The following ADRA1A variants were observed in gnomAD, a reference collection of about 807,000 sequenced individuals.
ADRA1A encodes adrenoceptor alpha 1A.
In ADRA1A, 31 loss-of-function variants were observed where a neutral mutation model predicts 29.6. The observed-to-expected ratio is 1.05, with a 90% CI of 0.79 to 1.41. The LOEUF (loss-of-function observed/expected upper bound fraction) is 1.41, where lower values mean the gene tolerates loss of function less well. Ranked by LOEUF, ADRA1A falls within the 40% of genes most tolerant of loss-of-function variation. The pLI, the probability that ADRA1A is intolerant of heterozygous loss-of-function variation, is 0.00. For synonymous variants in ADRA1A, 311 were observed against 254.3 expected, an observed-to-expected ratio of 1.22 and a Z score of -2.12; for missense variants, 619 against 601.1, an observed-to-expected ratio of 1.03 and a Z score of -0.31.
intron 2 of ADRA1A, among the ~76,000 whole-genome samples, chr8:26,788,608 C>CAT (rs932904167): frequency 2.0e-5 from 3 of 152,184 alleles, no homozygotes; most frequent in African/African-American, 7.2e-5. Context: ...TGCACCACCT[C>CAT]ATCTCCTCAT....
chr8:26,842,936 G>T (rs1441729650), intron 2 of ADRA1A, among the ~76,000 whole-genome samples: 8 of 150,278 alleles, frequency 5.3e-5, no homozygotes, highest in Non-Finnish European at 8.9e-5. Context: ...ACAAGCTCAT[G>T]AATGTGCTGT....
chr8:26,811,114 G>T (rs1809350934), intron 2 of ADRA1A, among the ~76,000 whole-genome samples: 2 of 152,082 alleles, frequency 1.3e-5, no homozygotes, highest in Admixed American at 1.3e-4. Flanking sequence ...CATCATTTTT[G>T]TGTGAGGCCC....
Position 26,866,523 on chromosome 8 carries a change from C to T in ADRA1A, c.-687+413G>A, listed in dbSNP as rs1312024348. 6.6e-6 allele frequency among the ~76,000 whole-genome samples: 1 copy of T among 152,174 alleles called. No individual in the cohort carries two copies. Among genetic ancestry groups the T allele is most frequent in the African/African-American group, 2.4e-5 (1 of 41,454 alleles). On this transcript the variant is annotated intron_variant, in intron 1 of 2. Coordinates refer to ENST00000380573, the MANE Select transcript of ADRA1A (RefSeq NM_000680.4). This position sits in a 1 kb window ranked among gnomAD's most constrained non-coding sequence, Gnocchi z 5.7. ...GGGGGCCACCATCTGCGTAAGAAACCTGGGTTTCCACAACTGCGAACCTAC... is the reference window on the plus strand; with the variant it reads ...GGGGGCCACCATCTGCGTAAGAAACTTGGGTTTCCACAACTGCGAACCTAC...
chr8:26,792,519 G>A (rs924381070), intron 2 of ADRA1A, among the ~76,000 whole-genome samples: 5 of 151,004 alleles, frequency 3.3e-5, no homozygotes, highest in African/African-American at 1.2e-4. Context: ...AGACTGGAAG[G>A]ACATTCTCTT....
At chr8:26,836,975 C>A (rs1269200206) in intron 2 of ADRA1A, among the ~76,000 whole-genome samples, 1 of 152,106 alleles carries the variant, frequency 6.6e-6, no homozygotes, top group East Asian at 1.9e-4. Context: ...CAGGGGAAAG[C>A]CCTTGGTTCC....
rs1169345715 is a variant in ADRA1A at position 26,866,897 on chromosome 8, C to A, written c.-687+39G>T. On this transcript the variant is annotated intron_variant, in intron 1 of 2. Transcript: ENST00000380573. The surrounding 1 kb of genome is among the most constrained non-coding windows in gnomAD (Gnocchi z 5.7). ...GACGGCGGGGGAGGTCTGCCCTCAC[C>A]CACTCGGCCCTGCGGGACGCCGGCC... is the stretch of plus-strand genomic sequence containing the variant. The A allele has an allele frequency of 9.1e-6, 9 of 985,418 alleles. No individual in the cohort carries two copies. The South Asian group carries it at 3.8e-4, about 41-fold the overall frequency. 61.0% of individuals were successfully genotyped at this position (985,418 alleles called of 1,614,324 possible).
Position 26,815,164 on chromosome 8 carries a change from A to G in ADRA1A, c.884-44498T>C, listed in dbSNP as rs181725680. Among the ~76,000 whole-genome samples the G allele has an allele frequency of 6.6e-6, 1 of 152,214 alleles. No individual in the cohort carries two copies. The highest frequency in any genetic ancestry group is 6.5e-5 in the Admixed American group (1 of 15,288). On this transcript the variant is annotated intron_variant, in intron 2 of 2. Transcript: ENST00000380573. This position sits in a 1 kb window ranked among gnomAD's most constrained non-coding sequence, Gnocchi z 4.2. Reference sequence around the variant, plus strand: ...CACTACCAAATCCTCACCAAGACTTACTGGGTTAAATCTTGTGGTAAACTA... The same window carrying G: ...CACTACCAAATCCTCACCAAGACTTGCTGGGTTAAATCTTGTGGTAAACTA...
intron 2 of ADRA1A, chr8:26,859,291 A>T (rs548942115): frequency 1.1e-6 from 1 of 921,290 alleles, no homozygotes; most frequent in Admixed American, 2.9e-5. Flanking sequence ...ATAAAAAAAC[A>T]TATAACATCT....
chr8:26,850,897 A>G (rs1310586583), intron 2 of ADRA1A, among the ~76,000 whole-genome samples: 1 of 152,184 alleles, frequency 6.6e-6, no homozygotes, highest in South Asian at 2.1e-4. Context: ...TGTAGCATCT[A>G]CCCAAGTCCA....
At chr8:26,783,766 C>T (rs1807166735) in intron 2 of ADRA1A, among the ~76,000 whole-genome samples, 1 of 152,060 alleles carries the variant, frequency 6.6e-6, no homozygotes, top group Non-Finnish European at 1.5e-5. Flanking sequence ...ATGTCAAAGA[C>T]ATGGAATCAA....
downstream of ADRA1A, among the ~76,000 whole-genome samples, chr8:26,752,253 T>C (rs1052038268): frequency 3.3e-5 from 5 of 152,212 alleles, no homozygotes; most frequent in African/African-American, 9.7e-5. Flanking sequence ...GTTGGTTTTA[T>C]AGATGAGCTT....
rs187348579 is a variant in ADRA1A at position 26,849,399 on chromosome 8, T to G, written c.883+14688A>C. On this transcript the variant is annotated intron_variant, in intron 2 of 2. Coordinates refer to ENST00000380573, the MANE Select transcript of ADRA1A (RefSeq NM_000680.4). ...CAAGGTCAGCAGACAAAGGAGGTTCTCTACAACAGGTGCCCAGGCGGTCAG... is the reference window on the plus strand; with the variant it reads ...CAAGGTCAGCAGACAAAGGAGGTTCGCTACAACAGGTGCCCAGGCGGTCAG... Among the ~76,000 whole-genome samples the G allele has an allele frequency of 2.6e-3, 390 of 152,314 alleles. 2 individuals are homozygous for G. The highest frequency in any genetic ancestry group is 9.0e-3 in the African/African-American group (376 of 41,560).
At chr8:26,784,849 T>C (rs1468734795) in intron 2 of ADRA1A, among the ~76,000 whole-genome samples, 1 of 152,196 alleles carries the variant, frequency 6.6e-6, no homozygotes, top group African/African-American at 2.4e-5. Flanking sequence ...AACCGATGGC[T>C]GAAAGCTATA....
chr8:26,799,636 G>C (rs1225141328), intron 2 of ADRA1A, among the ~76,000 whole-genome samples: 3 of 152,120 alleles, frequency 2.0e-5, no homozygotes, highest in Admixed American at 1.3e-4. Context: ...CTTTTCTGGG[G>C]TCTCAGCTGA....
chr8:26,833,807 C>T (rs1316366299), intron 2 of ADRA1A, among the ~76,000 whole-genome samples: 1 of 152,158 alleles, frequency 6.6e-6, no homozygotes, highest in Non-Finnish European at 1.5e-5. Context: ...TGGCATATGG[C>T]TTCAAAATAA....
At chr8:26,836,245 C>A in intron 2 of ADRA1A, 1 of 218,586 alleles carries the variant, frequency 4.6e-6, no homozygotes. Flanking sequence ...GTGCTGACTT[C>A]TAAAGATGCT....
intron 2 of ADRA1A, among the ~76,000 whole-genome samples, chr8:26,832,578 A>G (rs985863899): frequency 3.3e-5 from 5 of 152,160 alleles, no homozygotes; most frequent in Non-Finnish European, 7.3e-5. Context: ...TGTATGGCAC[A>G]AGAGATGAAG....
At chr8:26,754,354 T>C (rs1293904265), downstream of ADRA1A, among the ~76,000 whole-genome samples, 1 of 152,174 alleles carries the variant, frequency 6.6e-6, no homozygotes, top group African/African-American at 2.4e-5. Flanking sequence ...TCAGCACGAT[T>C]CAGATTAACT....
chr8:26,808,177 TAAG>T (rs1809134874), intron 2 of ADRA1A, among the ~76,000 whole-genome samples: 1 of 152,210 alleles, frequency 6.6e-6, no homozygotes, highest in Non-Finnish European at 1.5e-5. Flanking sequence ...TATGCAAATA[TAAG>T]AAGTATGTCT....
Sources: allele counts gnomAD v4.1 joint callset (sites outside exome capture counted in the v4.1 genomes callset), GRCh38; gene constraint gnomAD v4.1.1; non-coding constraint Gnocchi (gnomAD v3.1); transcripts MANE v1.5; gene names NCBI Gene and HGNC (gene_info 2026-07-23, HGNC 2026-07-21).